AKNAD1: variants seen among roughly 807,000 people sequenced by gnomAD.
AKNAD1 encodes the protein AKNA domain containing 1.
Under a neutral mutation model 90.8 loss-of-function variants are expected in AKNAD1, and 67 were observed. The observed-to-expected ratio is 0.74, with a 90% CI of 0.61 to 0.90. AKNAD1 has a LOEUF of 0.90. Ranked by LOEUF, AKNAD1 falls within the 40% of genes least tolerant of loss-of-function variation. AKNAD1 has a pLI of 0.00. For missense variants in AKNAD1, 957 were observed against 975.4 expected (o/e 0.98, Z 0.25); for synonymous variants, 327 against 341.4 (o/e 0.96, Z 0.46).
At chr1:108,842,586 G>A (rs148254783) in intron 6 of AKNAD1, among the ~76,000 whole-genome samples, 3 of 152,224 alleles carry the variant, frequency 2.0e-5, no homozygotes, top group African/African-American at 7.2e-5. Context: ...CCCTCACCCT[G>A]ACACCAATTA....
At chr1:108,851,554 G>A in intron 2 of AKNAD1, 118 bp downstream of exon 2, 1 of 956,622 alleles carries the variant, frequency 1.0e-6, no homozygotes, top group South Asian at 2.0e-5. Context: ...GGGTGACCCA[G>A]GGTGCTGAAT....
chr1:108,817,834 T>C (rs1245012954), intron 14 of AKNAD1, among the ~76,000 whole-genome samples: 2 of 152,100 alleles, frequency 1.3e-5, no homozygotes, highest in African/African-American at 2.4e-5. Context: ...CCTTGCATTT[T>C]TATAAAACAA....
intron 11 of AKNAD1, among the ~76,000 whole-genome samples, chr1:108,825,543 T>C (rs1046624911): frequency 6.6e-6 from 1 of 151,714 alleles, no homozygotes; most frequent in African/African-American, 2.4e-5. Context: ...ACAGCCTTTG[T>C]TTCTGTGGTT....
chr1:108,849,897 T>C (rs1220816843), intron 2 of AKNAD1, among the ~76,000 whole-genome samples: 4 of 152,210 alleles, frequency 2.6e-5, no homozygotes, highest in African/African-American at 9.6e-5. Flanking sequence ...TAACAATACA[T>C]GTTACCTGTT....
rs752475243 is a variant in AKNAD1, at chr1:108,816,281, G to C, written c.2401C>G (p.His801Asp). 6.2e-7 allele frequency: 1 copy of C among 1,611,720 alleles called. No homozygotes were observed. ...AAAATGGTTGCTGTCCTTAGGGCAT[G>C]ATCCAAAGCCGAGTTTAAAATCTAC... ...KSEILNSALD[H>D]ALRTATILKE... Residue 801 changes from histidine (H) to aspartate (D), a missense_variant, in exon 16 of 16, where the codon CAT becomes GAT. Transcript: ENST00000370001.
At chr1:108,835,149 G>T (rs1664342976) in intron 7 of AKNAD1, 93 bp from the exon 8 acceptor site, 4 of 1,425,658 alleles carry the variant, frequency 2.8e-6, no homozygotes, top group Non-Finnish European at 2.8e-6. Flanking sequence ...CACCCCTAAG[G>T]CACCATAACA....
intron 14 of AKNAD1, among the ~76,000 whole-genome samples, chr1:108,818,206 C>T (rs1461499430): frequency 6.6e-6 from 1 of 152,176 alleles, no homozygotes; most frequent in Non-Finnish European, 1.5e-5. Flanking sequence ...ATAGAGCCAC[C>T]CTCACAGCTT....
chr1:108,816,636 T>C (rs1663618789), intron 15 of AKNAD1, among the ~76,000 whole-genome samples: 1 of 152,122 alleles, frequency 6.6e-6, no homozygotes, highest in African/African-American at 2.4e-5. Context: ...TGGGGGGCCA[T>C]AACCACTGAG....
chr1:108,840,351 C>CT (rs1287193681), intron 6 of AKNAD1, among the ~76,000 whole-genome samples: 1 of 152,118 alleles, frequency 6.6e-6, no homozygotes, highest in Middle Eastern at 3.2e-3. Flanking sequence ...ACTCAGAACA[C>CT]TATAAAATAG....
intron 1 of AKNAD1, 133 bp from the exon 2 acceptor site, chr1:108,852,900 G>A: frequency 2.9e-6 from 1 of 344,958 alleles, no homozygotes; most frequent in Non-Finnish European, 5.1e-6. Flanking sequence ...TCAACCACAA[G>A]CTGACCCAAC....
At chr1:108,832,976 T>G (rs868048869) in intron 9 of AKNAD1, among the ~76,000 whole-genome samples, 8 of 152,200 alleles carry the variant, frequency 5.3e-5, no homozygotes, top group African/African-American at 1.9e-4. Context: ...TAGGGTTTTA[T>G]TCTAAGGAAA....
At position 108,816,202 on chromosome 1, in the gene AKNAD1, G is replaced by T; in HGVS notation, c.2480C>A (p.Ala827Glu). 6.2e-7 allele frequency: 1 copy of T among 1,612,932 alleles called. No individual in the cohort carries two copies. Residue 827 changes from alanine (A) to glutamate (E), a missense_variant, in exon 16 of 16, where the codon GCA (alanine) becomes GAA (glutamate). Ala to Glu is a moderately radical substitution (Grantham distance 107, BLOSUM62 -1). Transcript: ENST00000370001. ...TTTCAGTCGATTCCTCCACCTCTGTGCTTTAGCAAGGTCTTCTGCAATCGT... is the reference window on the plus strand; with the variant it reads ...TTTCAGTCGATTCCTCCACCTCTGTTCTTTAGCAAGGTCTTCTGCAATCGT... ...IKTIAEDLAK[A>E]QRWRNRLKY is the part of the protein sequence containing the mutation.
At chr1:108,840,558 A>T (rs1277268663) in intron 6 of AKNAD1, among the ~76,000 whole-genome samples, 7 of 152,228 alleles carry the variant, frequency 4.6e-5, no homozygotes, top group Non-Finnish European at 1.0e-4. Flanking sequence ...GTGTATAAGA[A>T]TAGCTATAAG....
Position 108,827,249 on chromosome 1 carries a change from G to A in AKNAD1, c.1892C>T (p.Ser631Leu), listed in dbSNP as rs1343716006. 1 of 1,611,604 alleles carries A rather than the reference G, an allele frequency of 6.2e-7. No individual in the cohort carries two copies. The highest frequency in any genetic ancestry group is 8.5e-7 in the Non-Finnish European group (1 of 1,179,456). ...GHGRINCGRF[S>L]IVLHEKAPHS... ...TGGTGCCTTTTCATGAAGGACAATT[G>A]AAAATCTTCCACAGTTGATCCTTCC... is the stretch of plus-strand genomic sequence containing the variant. Residue 631 changes from serine (S) to leucine (L), a missense_variant, in exon 11 of 16, where the codon TCA (serine) becomes TTA (leucine). Transcript: ENST00000370001.
At chr1:108,851,048 G>C (rs79333323) in intron 2 of AKNAD1, among the ~76,000 whole-genome samples, 23 of 152,194 alleles carry the variant, frequency 1.5e-4, no homozygotes, top group Non-Finnish European at 2.5e-4. Flanking sequence ...CATAACGTAC[G>C]TTAAGACACG....
chr1:108,837,577 G>A lies in AKNAD1; in HGVS notation c.1509C>T (p.Ala503=), dbSNP rs766378171. The change falls in exon 7 of 16, where the codon GCC becomes GCT. Residue 503 remains alanine, a synonymous_variant. Transcript: ENST00000370001. The part of the protein sequence containing the change: ...VSSPVTLDDL[A]STFSSLSNEI... ...CATTTGAGAGTGAAGAGAAGGTGGA[G>A]GCCAAGTCATCCAGGGTAACTGGAG... The A allele has an allele frequency of 6.2e-7, 1 of 1,614,090 alleles. No homozygotes were observed. The highest frequency in any genetic ancestry group is 8.5e-7 in the Non-Finnish European group (1 of 1,179,998).
intron 1 of AKNAD1, among the ~76,000 whole-genome samples, chr1:108,855,953 C>T (rs571522304): frequency 6.7e-6 from 1 of 148,808 alleles, no homozygotes; most frequent in Admixed American, 6.7e-5. Context: ...CATGGCTCAA[C>T]TGATCTTCCT....
chr1:108,854,490 T>C (rs1438492338), intron 1 of AKNAD1, among the ~76,000 whole-genome samples: 1 of 152,168 alleles, frequency 6.6e-6, no homozygotes, highest in Non-Finnish European at 1.5e-5. Context: ...CCAAAATAAA[T>C]TTTTTTGAAC....
At chr1:108,856,024 A>T (rs944458027) in intron 1 of AKNAD1, among the ~76,000 whole-genome samples, 1 of 151,358 alleles carries the variant, frequency 6.6e-6, no homozygotes, top group African/African-American at 2.4e-5. Flanking sequence ...ACTAATTTTT[A>T]ATTTTTTTTT....
Sources: allele counts gnomAD v4.1 joint callset (sites outside exome capture counted in the v4.1 genomes callset), GRCh38; gene constraint gnomAD v4.1.1; transcripts MANE v1.5; gene names NCBI Gene and HGNC (gene_info 2026-07-23, HGNC 2026-07-21).